The following ST8SIA6 variants were observed in gnomAD, a reference collection of about 807,000 sequenced individuals.
ST8SIA6 encodes the protein alpha-2,8-sialyltransferase 8F.
Under a neutral mutation model 33.6 loss-of-function variants are expected in ST8SIA6, and 39 were observed. The observed-to-expected ratio is 1.16, with a 90% CI of 0.90 to 1.52. The LOEUF (loss-of-function observed/expected upper bound fraction) is 1.52. Among genes scored for constraint, ST8SIA6 ranks in the 40% most tolerant of loss-of-function variants. ST8SIA6 has a pLI of 0.00. For missense variants in ST8SIA6, 441 were observed against 443.8 expected (o/e 0.99, Z 0.06); for synonymous variants, 172 against 167.2 (o/e 1.03, Z -0.22).
chr10:17,371,618 C>G lies in ST8SIA6; in HGVS notation c.291-12018G>C, dbSNP rs569803168. Reference sequence around the variant, plus strand: ...TAGCCAACATGGTGAAACCCCTTCTCGACTAAAAATACAAAAAGTTAGCAG... The same window carrying G: ...TAGCCAACATGGTGAAACCCCTTCTGGACTAAAAATACAAAAAGTTAGCAG... On this transcript the variant is annotated intron_variant, in intron 3 of 7. Transcript: ENST00000377602. Among the ~76,000 whole-genome samples the G allele has an allele frequency of 2.0e-5, 3 of 151,654 alleles. No individual in the cohort carries two copies. The South Asian group carries it at 6.3e-4, about 32-fold the overall frequency.
At chr10:17,394,506 G>A (rs1014848881) in intron 2 of ST8SIA6, among the ~76,000 whole-genome samples, 15 of 152,172 alleles carry the variant, frequency 9.9e-5, no homozygotes, top group African/African-American at 3.6e-4. Context: ...ATCAGTCATT[G>A]TTATTGCCAT....
At chr10:17,322,708 G>C (rs1377392371) in intron 7 of ST8SIA6, among the ~76,000 whole-genome samples, 2 of 152,070 alleles carry the variant, frequency 1.3e-5, no homozygotes, top group African/African-American at 4.8e-5. Flanking sequence ...ACTCTCTGAA[G>C]TTTCTAAATA....
intron 4 of ST8SIA6, among the ~76,000 whole-genome samples, chr10:17,353,675 C>T (rs1849102744): frequency 6.6e-6 from 1 of 152,118 alleles, no homozygotes; most frequent in African/African-American, 2.4e-5. Context: ...TTATCTGTAA[C>T]AAAGTAATCA....
rs1421104123 is a variant in ST8SIA6, at chr10:17,319,642, C to G, written c.*1236G>C. On this transcript the variant is annotated 3_prime_UTR_variant, in exon 8 of 8. Transcript: ENST00000377602. ...ATACTAGAGATTCTGTTTTGATGTT[C>G]TAAAGAAAAATTTTTAAGATAGGAT... Among the ~76,000 whole-genome samples the G allele has an allele frequency of 6.6e-6, 1 of 151,578 alleles. No homozygotes were observed. Among genetic ancestry groups the G allele is most frequent in the Non-Finnish European group, 1.5e-5 (1 of 67,908 alleles).
rs1431264185 is a variant in ST8SIA6 at position 17,439,561 on chromosome 10, G to A, written c.200+13998C>T. Among the ~76,000 whole-genome samples, 8 of 152,328 alleles carry A rather than the reference G, an allele frequency of 5.3e-5. No individual in the cohort carries two copies. The South Asian group carries it at 6.2e-4, about 12-fold the overall frequency. On this transcript the variant is annotated intron_variant, in intron 2 of 7. Transcript: ENST00000377602. ...TCAGCAAAGTGCTGGGATTACAGGCGTGAGCCACCATGTCCAGCATATGTT... is the reference window on the plus strand; with the variant it reads ...TCAGCAAAGTGCTGGGATTACAGGCATGAGCCACCATGTCCAGCATATGTT...
intron 2 of ST8SIA6, among the ~76,000 whole-genome samples, chr10:17,404,138 G>T (rs982754733): frequency 1.3e-5 from 2 of 151,134 alleles, no homozygotes; most frequent in African/African-American, 2.4e-5. Context: ...GGTGCCATGT[G>T]TATTGTTTTA....
At chr10:17,450,107 C>T (rs1852854334) in intron 2 of ST8SIA6, among the ~76,000 whole-genome samples, 1 of 152,158 alleles carries the variant, frequency 6.6e-6, no homozygotes, top group Non-Finnish European at 1.5e-5. Context: ...CTAGCAACAG[C>T]TGAGTGAGTA....
intron 2 of ST8SIA6, among the ~76,000 whole-genome samples, chr10:17,435,167 A>G (rs560526317): frequency 6.6e-6 from 1 of 152,338 alleles, no homozygotes; most frequent in Non-Finnish European, 1.5e-5. Context: ...AAGAGATTCA[A>G]AGATCTGAGC....
chr10:17,380,801 T>G (rs577977730), intron 3 of ST8SIA6, among the ~76,000 whole-genome samples: 14 of 143,678 alleles, frequency 9.7e-5, no homozygotes, highest in African/African-American at 3.6e-4. Context: ...GTGTACATGT[T>G]TGTGTGAATG....
At chr10:17,358,547 G>T (rs958003624) in intron 4 of ST8SIA6, among the ~76,000 whole-genome samples, 2 of 151,702 alleles carry the variant, frequency 1.3e-5, no homozygotes, top group Non-Finnish European at 2.9e-5. Context: ...ATTGGAATGG[G>T]ATGTACAGGA....
chr10:17,448,782 AT>A lies in ST8SIA6; in HGVS notation c.200+4776del, dbSNP rs753562099. 7.3e-3 allele frequency among the ~76,000 whole-genome samples: 901 copies of A among 123,530 alleles called. 5 individuals are homozygous for A. Among genetic ancestry groups the A allele is most frequent in the African/African-American group, 0.023 (763 of 33,412 alleles). 81.0% of individuals were successfully genotyped at this position (123,530 alleles called of 152,430 possible). A position where few individuals can be genotyped will look rare whatever the true frequency, so the allele number is the denominator to read the frequency against. On this transcript the variant is annotated intron_variant, in intron 2 of 7. Transcript: ENST00000377602. ...AGGTGCCCGCCACCACGCCAGGCTAATTTTTTTTTTTTTTTTTTTTTTGTTA... is the reference window on the plus strand; with the variant it reads ...AGGTGCCCGCCACCACGCCAGGCTAATTTTTTTTTTTTTTTTTTTTTGTTA...
intron 3 of ST8SIA6, among the ~76,000 whole-genome samples, chr10:17,381,310 A>T (rs1045660184): frequency 6.6e-6 from 1 of 152,176 alleles, no homozygotes; most frequent in African/African-American, 2.4e-5. Context: ...GTTGTAAAAC[A>T]CATTATCAAG....
chr10:17,383,673 C>G (rs437154), intron 3 of ST8SIA6, among the ~76,000 whole-genome samples: 48,289 of 151,970 alleles, frequency 0.32, 8,334 homozygotes, highest in East Asian at 0.64. Flanking sequence ...TTTAAATGCA[C>G]GTTTCTAATA....
At chr10:17,434,322 C>T (rs1852186908) in intron 2 of ST8SIA6, among the ~76,000 whole-genome samples, 1 of 152,130 alleles carries the variant, frequency 6.6e-6, no homozygotes, top group South Asian at 2.1e-4. Context: ...TAGCACCTGC[C>T]TTCCTAAGGA....
intron 3 of ST8SIA6, among the ~76,000 whole-genome samples, chr10:17,387,303 G>A (rs1428435402): frequency 6.6e-6 from 1 of 151,498 alleles, no homozygotes; most frequent in Non-Finnish European, 1.5e-5. Flanking sequence ...CCGGGCTGGA[G>A]TGCAGTGGCG....
Position 17,454,214 on chromosome 10 carries a change from C to T in ST8SIA6, c.42G>A (p.Leu14=), listed in dbSNP as rs968644697. The part of the protein sequence containing the change: ...GGALLALLAS[L]LLLLLLRLLW... The stretch of plus-strand genomic sequence containing the variant: ...GCAGGCGCAGCAGCAGCAGCAGCAG[C>T]AGGCTGGCGAGCAGGGCGAGCAGTG... Residue 14 remains leucine (L), a synonymous_variant, in exon 1 of 8, where the codon CTG becomes CTA. Coordinates refer to ENST00000377602, the MANE Select transcript of ST8SIA6 (RefSeq NM_001004470.3). The surrounding 1 kb of genome is among the most constrained non-coding windows in gnomAD (Gnocchi z 4.1). 6.2e-5 allele frequency: 17 copies of T among 272,450 alleles called. No individual in the cohort carries two copies. Among genetic ancestry groups the T allele is most frequent in the Non-Finnish European group, 1.1e-4 (16 of 147,680 alleles). 16.9% of individuals were successfully genotyped at this position (272,450 alleles called of 1,614,324 possible).
rs539125779 is a variant in ST8SIA6, at chr10:17,331,631, G to A, written c.378-79C>T. ...AATGCAGACCACGATGGACAATGCCGAAGAGGATTTTGCCAAACTGACTTT... is the reference window on the plus strand; with the variant it reads ...AATGCAGACCACGATGGACAATGCCAAAGAGGATTTTGCCAAACTGACTTT... On this transcript the variant is annotated intron_variant, in intron 4 of 7. Transcript: ENST00000377602. 6.9e-4 allele frequency: 966 copies of A among 1,400,838 alleles called. 2 individuals carry two copies. Among genetic ancestry groups the A allele is most frequent in the Non-Finnish European group, 8.3e-4 (875 of 1,060,276 alleles). 86.8% of individuals were successfully genotyped at this position (1,400,838 alleles called of 1,614,324 possible). A position where few individuals can be genotyped will look rare whatever the true frequency, so the allele number is the denominator to read the frequency against.
intron 2 of ST8SIA6, among the ~76,000 whole-genome samples, chr10:17,399,528 A>G (rs1850956145): frequency 6.6e-6 from 1 of 152,188 alleles, no homozygotes; most frequent in Non-Finnish European, 1.5e-5. Context: ...GCCTTCAGTT[A>G]CCCTCAATGA....
chr10:17,351,317 C>T (rs1480888837), intron 4 of ST8SIA6, among the ~76,000 whole-genome samples: 2 of 151,420 alleles, frequency 1.3e-5, no homozygotes, highest in Non-Finnish European at 2.9e-5. Flanking sequence ...AGTGATGACA[C>T]CTTGGAAAAT....
Sources: gnomAD v4.1 joint callset for allele counts (sites outside exome capture counted in the v4.1 genomes callset) on GRCh38, gnomAD v4.1.1 for gene constraint, Gnocchi (gnomAD v3.1) non-coding constraint, MANE v1.5 for transcripts, NCBI Gene and HGNC (gene_info 2026-07-23, HGNC 2026-07-21) for gene names.